NTMT2: variants seen among roughly 807,000 people sequenced by gnomAD.
NTMT2 encodes X-Pro-Lys N-terminal protein methyltransferase 1B.
Under a neutral mutation model 23.4 loss-of-function variants are expected in NTMT2, and 21 were observed. The observed-to-expected ratio is 0.90, with a 90% CI of 0.64 to 1.29. The LOEUF is 1.29. NTMT2 is among the 50% of genes most tolerant of loss of function. The pLI is 0.00. For synonymous variants in NTMT2, 131 were observed against 127.7 expected (o/e 1.03, Z -0.17); for missense variants, 336 against 352.0 (o/e 0.95, Z 0.36).
chr1:170,167,497 G>A lies in NTMT2; in HGVS notation c.592G>A (p.Asp198Asn). The A allele has an allele frequency of 6.5e-7, 1 of 1,549,622 alleles. No individual in the cohort carries two copies. The highest frequency in any genetic ancestry group is 8.7e-7 in the Non-Finnish European group (1 of 1,145,886). The change falls in exon 4 of 4, where the codon GAT becomes AAT. Residue 198 changes from aspartate to asparagine, a missense_variant. Transcript: ENST00000439373. Reference protein sequence around the residue: ...WIQWVSGHLTDKDLLAFLSRC... With the variant: ...WIQWVSGHLTNKDLLAFLSRC... ...GGTCTCCCTTGTAGGGCACCTGACTGATAAGGACCTTCTTGCATTTCTTTC... is the reference window on the plus strand; with the variant it reads ...GGTCTCCCTTGTAGGGCACCTGACTAATAAGGACCTTCTTGCATTTCTTTC...
chr1:170,158,126 T>C (rs1175827507), intron 1 of NTMT2: 1 of 152,124 alleles, frequency 6.6e-6, no homozygotes, highest in South Asian at 2.1e-4. Flanking sequence ...AGGTAAATAT[T>C]CTATAATAAT....
rs879041028 is a variant in NTMT2, at chr1:170,146,129, T to C, written c.22T>C (p.Phe8Leu). Reference protein sequence around the residue: MAHRGAHFAFRSRWQKTD... With the variant: MAHRGAHLAFRSRWQKTD... ...TGTCATGGCCCACCGGGGAGCCCATTTTGCCTTTAGATCCCGCTGGCAGAA... is the reference window on the plus strand; with the variant it reads ...TGTCATGGCCCACCGGGGAGCCCATCTTGCCTTTAGATCCCGCTGGCAGAA... Residue 8 changes from phenylalanine to leucine, a missense_variant, in exon 1 of 4, where the codon TTT (phenylalanine) becomes CTT (leucine). Coordinates refer to ENST00000439373, the MANE Select transcript of NTMT2 (RefSeq NM_001136107.2). 1.3e-6 allele frequency: 2 copies of C among 1,551,478 alleles called. No homozygotes were observed. The highest frequency in any genetic ancestry group is 2.4e-5 in the South Asian group (2 of 83,972).
At chr1:170,164,760 G>A (rs373144981) in intron 2 of NTMT2, among the ~76,000 whole-genome samples, 18 of 152,178 alleles carry the variant, frequency 1.2e-4, no homozygotes, top group East Asian at 1.2e-3. Flanking sequence ...GATTCAGACC[G>A]TTCCTGTTCA....
At chr1:170,155,141 A>C (rs1021042257) in intron 1 of NTMT2, among the ~76,000 whole-genome samples, 7 of 152,258 alleles carry the variant, frequency 4.6e-5, no homozygotes, top group African/African-American at 1.7e-4. Context: ...TACAGTCTGC[A>C]GAACTGTAAG....
intron 3 of NTMT2, 56 bp downstream of exon 3, chr1:170,166,807 A>C (rs2102243898): frequency 6.5e-7 from 1 of 1,536,800 alleles, no homozygotes; most frequent in Admixed American, 2.0e-5. Context: ...CAGAGAAGAC[A>C]GTCCTTGGGG....
In NTMT2 at chr1:170,166,558, G is replaced by A. The variant is rs535550660; in HGVS notation, c.387G>A (p.Arg129=). The part of the protein sequence containing the change: ...CALDCGSGIG[R]VSKHVLLPVF... ...TGGACTGCGGCTCCGGGATAGGAAG[G>A]GTCAGCAAACACGTCTTATTGCCTG... Residue 129 remains arginine, a synonymous_variant, in exon 3 of 4, where the codon AGG becomes AGA. Transcript: ENST00000439373. 6.4e-7 allele frequency: 1 copy of A among 1,552,162 alleles called. No individual in the cohort carries two copies. Among genetic ancestry groups the A allele is most frequent in the African/African-American group, 1.4e-5 (1 of 73,020 alleles).
rs529501190 is a variant in NTMT2 at position 170,148,188 on chromosome 1, G to A, written c.154+1927G>A. Among the ~76,000 whole-genome samples the A allele has an allele frequency of 1.5e-4, 17 of 115,370 alleles. No homozygotes were observed. In the South Asian group the frequency reaches 2.0e-3, roughly 13 times the overall value. 75.7% of individuals were successfully genotyped at this position (115,370 alleles called of 152,430 possible). On this transcript the variant is annotated intron_variant, in intron 1 of 3. Coordinates refer to ENST00000439373, the MANE Select transcript of NTMT2 (RefSeq NM_001136107.2). Reference sequence around the variant, plus strand: ...TTTTGAGATGGAGTCTCACTGTGTCGCCCAGGCTGGAGTGCAGTGGTGCAA... The same window carrying A: ...TTTTGAGATGGAGTCTCACTGTGTCACCCAGGCTGGAGTGCAGTGGTGCAA...
intron 3 of NTMT2, 44 bp downstream of exon 3, chr1:170,166,795 G>C: frequency 6.5e-7 from 1 of 1,545,820 alleles, no homozygotes; most frequent in South Asian, 1.2e-5. Flanking sequence ...CCCCTTCTCA[G>C]CCAGAGAAGA....
intron 2 of NTMT2, among the ~76,000 whole-genome samples, chr1:170,165,700 TCTCA>T (rs1673365370): frequency 6.6e-6 from 1 of 152,226 alleles, no homozygotes; most frequent in Non-Finnish European, 1.5e-5. Context: ...TCAGAAAGGT[TCTCA>T]CTGTTTGGTT....
chr1:170,157,333 T>A, intron 1 of NTMT2, among the ~76,000 whole-genome samples: 1 of 152,290 alleles, frequency 6.6e-6, no homozygotes, highest in East Asian at 1.9e-4. Context: ...AAAAGATTTA[T>A]ATTTTTAAAA....
chr1:170,160,761 G>C lies in NTMT2; in HGVS notation c.330+68G>C, dbSNP rs140596230. On this transcript the variant is annotated intron_variant, in intron 2 of 3. Transcript: ENST00000439373. ...GCAAACATTGAGCTCGCATGCCTCT[G>C]TGTTGTTATTTAAGTCACGACTAAG... The C allele has an allele frequency of 1.6e-4, 212 of 1,341,208 alleles. 1 individual carries two copies. The East Asian group carries it at 5.5e-3, about 35-fold the overall frequency. 83.1% of individuals were successfully genotyped at this position (1,341,208 alleles called of 1,614,324 possible).
chr1:170,146,823 G>T (rs1672972688), intron 1 of NTMT2, among the ~76,000 whole-genome samples: 1 of 151,830 alleles, frequency 6.6e-6, no homozygotes, highest in South Asian at 2.1e-4. Context: ...GAAGTCAGTG[G>T]TCTGTCTCCA....
At chr1:170,155,662 T>C (rs903534029) in intron 1 of NTMT2, among the ~76,000 whole-genome samples, 2 of 152,088 alleles carry the variant, frequency 1.3e-5, no homozygotes, top group African/African-American at 4.8e-5. Context: ...ACAGGTCTAA[T>C]AGCTGGAATA....
chr1:170,163,087 G>A (rs184991277), intron 2 of NTMT2, among the ~76,000 whole-genome samples: 1 of 152,190 alleles, frequency 6.6e-6, no homozygotes, highest in Non-Finnish European at 1.5e-5. Flanking sequence ...CCATAAGCAC[G>A]CCCACAGACC....
intron 1 of NTMT2, among the ~76,000 whole-genome samples, chr1:170,157,803 G>A (rs1384192253): frequency 1.3e-5 from 2 of 152,022 alleles, no homozygotes; most frequent in Admixed American, 6.6e-5. Flanking sequence ...TTTCAATTAT[G>A]TTTTATTTTT....
chr1:170,166,563 G>A lies in NTMT2; in HGVS notation c.392G>A (p.Ser131Asn). The change falls in exon 3 of 4, where the codon AGC becomes AAC. Residue 131 changes from serine to asparagine, a missense_variant. Ser to Asn is a conservative substitution (Grantham distance 46). Coordinates refer to ENST00000439373, the MANE Select transcript of NTMT2 (RefSeq NM_001136107.2). ...TGCGGCTCCGGGATAGGAAGGGTCAGCAAACACGTCTTATTGCCTGTTTTC... is the reference window on the plus strand; with the variant it reads ...TGCGGCTCCGGGATAGGAAGGGTCAACAAACACGTCTTATTGCCTGTTTTC... Reference protein sequence around the residue: ...LDCGSGIGRVSKHVLLPVFNS... With the variant: ...LDCGSGIGRVNKHVLLPVFNS... 5.2e-6 allele frequency: 8 copies of A among 1,552,326 alleles called. No homozygotes were observed. The highest frequency in any genetic ancestry group is 7.0e-6 in the Non-Finnish European group (8 of 1,147,120).
intron 1 of NTMT2, among the ~76,000 whole-genome samples, chr1:170,151,962 T>G (rs1228355836): frequency 6.6e-6 from 1 of 152,194 alleles, no homozygotes; most frequent in African/African-American, 2.4e-5. Flanking sequence ...TATGCCTAAT[T>G]GGGAGGACAG....
At chr1:170,146,945 C>G (rs1672975591) in intron 1 of NTMT2, among the ~76,000 whole-genome samples, 1 of 152,196 alleles carries the variant, frequency 6.6e-6, no homozygotes, top group African/African-American at 2.4e-5. Flanking sequence ...TACTTCAGGG[C>G]ACCCTAAACA....
At chr1:170,158,375 A>G (rs569794716) in intron 1 of NTMT2, among the ~76,000 whole-genome samples, 2 of 152,190 alleles carry the variant, frequency 1.3e-5, no homozygotes, top group South Asian at 4.1e-4. Context: ...GCATACTCAT[A>G]CCAATAAATT....
Sources: gnomAD v4.1 joint callset for allele counts (sites outside exome capture counted in the v4.1 genomes callset) on GRCh38, gnomAD v4.1.1 for gene constraint, MANE v1.5 for transcripts, NCBI Gene and HGNC (gene_info 2026-07-23, HGNC 2026-07-21) for gene names.